The following CST3 variants were observed in gnomAD, a reference collection of about 807,000 sequenced individuals.
CST3 encodes cystatin C.
In CST3, 14 loss-of-function variants were observed where a neutral mutation model predicts 9.0. The ratio of observed to expected loss-of-function variants is 1.56; its 90% CI spans 1.03 to 2.44. CST3 has a LOEUF of 2.44. CST3 is among the 30% of genes most tolerant of loss of function. CST3 has a pLI of 0.00. For synonymous variants in CST3, 96 were observed against 90.2 expected, an observed-to-expected ratio of 1.06 and a Z score of -0.37; for missense variants, 237 against 204.3, an observed-to-expected ratio of 1.16 and a Z score of -0.98.
chr20:23,637,456 G>A (rs951466528), intron 1 of CST3, among the ~76,000 whole-genome samples, 164 bp downstream of exon 1: 1 of 152,190 alleles, frequency 6.6e-6, no homozygotes, highest in Admixed American at 6.5e-5. Flanking sequence ...GGGCATTCCC[G>A]GACACGCCCG....
intron 2 of CST3, among the ~76,000 whole-genome samples, 168 bp downstream of exon 2, chr20:23,635,086 C>G (rs1166468680): frequency 6.6e-6 from 1 of 152,080 alleles, no homozygotes; most frequent in East Asian, 1.9e-4. Context: ...CACTCACGTG[C>G]ACTTCCCCAC....
In CST3 at chr20:23,633,941, G is replaced by A. The variant is rs759445850; in HGVS notation, c.416C>T (p.Ser139Leu). 4 of 1,614,038 alleles carry A rather than the reference G, an allele frequency of 2.5e-6. No individual in the cohort carries two copies. Among genetic ancestry groups the A allele is most frequent in the South Asian group, 1.1e-5 (1 of 91,078 alleles). Reference sequence around the variant, plus strand: ...CTAGGCGTCCTGACAGGTGGATTTCGACAAGGTCATTGTGCCCTGCCAAGG... The same window carrying A: ...CTAGGCGTCCTGACAGGTGGATTTCAACAAGGTCATTGTGCCCTGCCAAGG... ...AVPWQGTMTL[S>L]KSTCQDA Residue 139 changes from serine to leucine, a missense_variant, in exon 3 of 3, where the codon TCG becomes TTG. Physicochemically the swap from Ser to Leu is moderately radical, Grantham distance 145. Transcript: ENST00000376925.
At position 23,637,867 on chromosome 20, in the gene CST3, G is replaced by C. The variant is rs1435908453; in HGVS notation, c.-5C>G. On this transcript the variant is annotated 5_prime_UTR_variant, in exon 1 of 3. Transcript: ENST00000376925. Reference sequence around the variant, plus strand: ...GGCGCGCAGGGGCCCGGCCATGGTCGGCTAGGACGCGGGACGCGGGGAGTG... The same window carrying C: ...GGCGCGCAGGGGCCCGGCCATGGTCCGCTAGGACGCGGGACGCGGGGAGTG... The C allele has an allele frequency of 2.1e-6, 3 of 1,395,804 alleles. No individual in the cohort carries two copies. Among genetic ancestry groups the C allele is most frequent in the Non-Finnish European group, 2.8e-6 (3 of 1,084,172 alleles). 86.5% of individuals were successfully genotyped at this position (1,395,804 alleles called of 1,614,324 possible). A position where few individuals can be genotyped will look rare whatever the true frequency, so the allele number is the denominator to read the frequency against.
intron 2 of CST3, among the ~76,000 whole-genome samples, chr20:23,634,314 G>C (rs996987519): frequency 6.6e-5 from 10 of 152,138 alleles, no homozygotes; most frequent in African/African-American, 2.4e-4. Flanking sequence ...ACAGGGCAGG[G>C]GGAGGCAGCT....
chr20:23,633,539 G>A (rs186600866), downstream of CST3: 597 of 386,402 alleles, frequency 1.5e-3, 9 homozygotes, highest in African/African-American at 0.011. Context: ...TGCTGTGGCC[G>A]CGTCAGCTCC....
downstream of CST3, among the ~76,000 whole-genome samples, chr20:23,632,946 C>G (rs542135407): frequency 2.6e-5 from 4 of 152,350 alleles, no homozygotes; most frequent in African/African-American, 9.6e-5. Context: ...TGTGCTTTAA[C>G]TTCATCCCTA....
intron 2 of CST3, 92 bp downstream of exon 2, chr20:23,635,162 T>C (rs1238364048): frequency 1.1e-5 from 12 of 1,115,442 alleles, no homozygotes; most frequent in Non-Finnish European, 1.6e-5. Context: ...CATGCACACG[T>C]ACCCTGCAGA....
intron 1 of CST3, 40 bp downstream of exon 1, chr20:23,637,580 C>T (rs1979731749): frequency 1.4e-6 from 2 of 1,455,878 alleles, no homozygotes; most frequent in East Asian, 2.9e-5. Context: ...GCTGGGACGG[C>T]GGGGCCGGGG....
chr20:23,637,663 A>T lies in CST3; in HGVS notation c.200T>A (p.Met67Lys), dbSNP rs373177867. ...VGEYNKASND[M>K]YHSRALQVVR... ...CACCTGCAGCGCGCGGCTGTGGTAC[A>T]TGTCGTTGCTGGCTTTGTTGTACTC... Residue 67 changes from methionine to lysine, a missense_variant, in exon 1 of 3, where the codon ATG becomes AAG. Coordinates refer to ENST00000376925, the MANE Select transcript of CST3 (RefSeq NM_000099.4). The T allele has an allele frequency of 2.0e-6, 3 of 1,535,124 alleles. No homozygotes were observed. Among genetic ancestry groups the T allele is most frequent in the South Asian group, 1.2e-5 (1 of 82,278 alleles).
downstream of CST3, among the ~76,000 whole-genome samples, chr20:23,631,660 C>T (rs372614602): frequency 3.8e-4 from 58 of 152,318 alleles, no homozygotes; most frequent in African/African-American, 1.4e-3. Flanking sequence ...GAGAGGGATC[C>T]TTCTGCAAAG....
chr20:23,631,463 G>C (rs1474307005), downstream of CST3, among the ~76,000 whole-genome samples: 1 of 152,178 alleles, frequency 6.6e-6, no homozygotes, highest in Non-Finnish European at 1.5e-5. Flanking sequence ...GGGGGTAATG[G>C]GGTGGCGATC....
chr20:23,629,671 C>T (rs6036476), downstream of CST3, among the ~76,000 whole-genome samples: 2,572 of 147,772 alleles, frequency 0.017, 39 homozygotes, highest in Middle Eastern at 0.073. Context: ...GGAGAGGATG[C>T]GTGGACAGAT....
At chr20:23,629,851 G>C (rs997511601), downstream of CST3, among the ~76,000 whole-genome samples, 6 of 152,180 alleles carry the variant, frequency 3.9e-5, no homozygotes, top group Non-Finnish European at 8.8e-5. Flanking sequence ...GGGGGTTACT[G>C]TTCCACAGGG....
downstream of CST3, among the ~76,000 whole-genome samples, chr20:23,631,359 A>G (rs959097386): frequency 5.3e-5 from 8 of 152,060 alleles, no homozygotes; most frequent in Non-Finnish European, 1.2e-4. Flanking sequence ...TAAGATTTCT[A>G]TTTCATCTGC....
exon 4 of CST3, chr20:23,627,236 A>G (rs1979286473): frequency 6.6e-6 from 1 of 152,008 alleles, no homozygotes; most frequent in Non-Finnish European, 1.5e-5. Context: ...GTCTCTATAC[A>G]TTTTTCTGTT....
Position 23,637,625 on chromosome 20 carries a change from T to G in CST3, c.238A>C (p.Lys80Gln). The change falls in exon 1 of 3, where the codon AAG (lysine) becomes CAG (glutamine). Residue 80 changes from lysine (K) to glutamine (Q), a missense_variant. By Grantham distance (53) the Lys-to-Gln change is moderately conservative. Transcript: ENST00000376925. ...SRALQVVRAR[K>Q]QIVAGVNYFL... Reference sequence around the variant, plus strand: ...CTGCGGGGGGCGGCACGCACCTGCTTGCGGGCGCGCACCACCTGCAGCGCG... The same window carrying G: ...CTGCGGGGGGCGGCACGCACCTGCTGGCGGGCGCGCACCACCTGCAGCGCG... The G allele has an allele frequency of 3.3e-6, 5 of 1,519,038 alleles. No individual in the cohort carries two copies. Among genetic ancestry groups the G allele is most frequent in the Non-Finnish European group, 4.4e-6 (5 of 1,134,278 alleles). 94.1% of individuals were successfully genotyped at this position (1,519,038 alleles called of 1,614,324 possible).
intron 1 of CST3, among the ~76,000 whole-genome samples, chr20:23,635,747 A>G (rs553116863): frequency 6.6e-6 from 1 of 152,326 alleles, no homozygotes; most frequent in Non-Finnish European, 1.5e-5. Flanking sequence ...TTTAACCCAG[A>G]GGTATTTTTC....
At chr20:23,637,404 G>A (rs1979719212) in intron 1 of CST3, among the ~76,000 whole-genome samples, 1 of 152,220 alleles carries the variant, frequency 6.6e-6, no homozygotes, top group Non-Finnish European at 1.5e-5. Flanking sequence ...CGCCGGGCGC[G>A]GACCTGACGT....
At chr20:23,634,116 T>G in intron 2 of CST3, 117 bp from the exon 3 acceptor site, 1 of 810,602 alleles carries the variant, frequency 1.2e-6, no homozygotes, top group Non-Finnish European at 2.1e-6. Flanking sequence ...ACTGGGCCCT[T>G]ATCTACCCCT....
Sources: gnomAD v4.1 joint callset for allele counts (sites outside exome capture counted in the v4.1 genomes callset) on GRCh38, gnomAD v4.1.1 for gene constraint, MANE v1.5 for transcripts, NCBI Gene and HGNC (gene_info 2026-07-23, HGNC 2026-07-21) for gene names.